ELFN1: variants seen among roughly 807,000 people sequenced by gnomAD.
ELFN1 encodes extracellular leucine rich repeat and fibronectin type III domain containing 1, also known as protein ELFN1.
In ELFN1, 6 loss-of-function variants were observed where a neutral mutation model predicts 7.6. The ratio of observed to expected loss-of-function variants is 0.79; its 90% CI spans 0.43 to 1.56. The LOEUF is 1.56. Among genes scored for constraint, ELFN1 ranks in the 40% most tolerant of loss-of-function variants. ELFN1 has a pLI of 0.01. For synonymous variants in ELFN1, 657 were observed against 588.1 expected, an observed-to-expected ratio of 1.12 and a Z score of -1.70; for missense variants, 1,169 against 1,232.2, an observed-to-expected ratio of 0.95 and a Z score of 0.77.
At chr7:1,690,891 T>A (rs1779148213) in intron 2 of ELFN1, among the ~76,000 whole-genome samples, 1 of 151,938 alleles carries the variant, frequency 6.6e-6, no homozygotes, top group Non-Finnish European at 1.5e-5. Context: ...GATGAATGGA[T>A]GAATGGATGC....
chr7:1,690,364 G>C (rs1178446732), intron 2 of ELFN1, among the ~76,000 whole-genome samples: 1 of 150,278 alleles, frequency 6.7e-6, no homozygotes, highest in Non-Finnish European at 1.5e-5. Context: ...TGGATGGGTG[G>C]GTGGGTGAAT....
In ELFN1 at chr7:1,745,130, C is replaced by G. The variant is rs1780738241; in HGVS notation, c.534C>G (p.Gly178=). The change falls in exon 4 of 4, where the codon GGC becomes GGG. Residue 178 remains glycine, a synonymous_variant. Coordinates refer to ENST00000424383, the MANE Select transcript of ELFN1 (RefSeq NM_001128636.4). ...IQQLNSGTFA[G]LAKLSVCELY... ...AGCTCAACAGCGGCACCTTCGCCGG[C>G]CTGGCCAAGCTGTCGGTGTGCGAGC... is the stretch of plus-strand genomic sequence containing the variant. 1 of 1,550,812 alleles carries G rather than the reference C, an allele frequency of 6.4e-7. No individual in the cohort carries two copies. The highest frequency in any genetic ancestry group is 8.7e-7 in the Non-Finnish European group (1 of 1,146,996).
At chr7:1,679,437 A>G (rs1226327156) in intron 1 of ELFN1, among the ~76,000 whole-genome samples, 1 of 152,166 alleles carries the variant, frequency 6.6e-6, no homozygotes, top group Non-Finnish European at 1.5e-5. Flanking sequence ...GCCTGGGGCC[A>G]GGAGGACAGT....
At chr7:1,687,827 T>C (rs1054949948) in intron 1 of ELFN1, among the ~76,000 whole-genome samples, 3 of 152,140 alleles carry the variant, frequency 2.0e-5, no homozygotes, top group Non-Finnish European at 4.4e-5. Flanking sequence ...TTATTGGCCA[T>C]TTGGATATTT....
Position 1,745,377 on chromosome 7 carries a change from G to C in ELFN1, c.781G>C (p.Gly261Arg). The change falls in exon 4 of 4, where the codon GGG becomes CGG. Residue 261 changes from glycine to arginine, a missense_variant. Around this residue, in one of 2 missense-constraint regions of ELFN1, gnomAD observed 914 missense variants for 872.6 expected, o/e 1.05. Coordinates refer to ENST00000424383, the MANE Select transcript of ELFN1 (RefSeq NM_001128636.4). ...TEDSYAAEVV[G>R]PPRPASGRSQ... Reference sequence around the variant, plus strand: ...GGACTCGTACGCGGCTGAGGTGGTCGGGCCCCCACGTCCAGCATCCGGGCG... The same window carrying C: ...GGACTCGTACGCGGCTGAGGTGGTCCGGCCCCCACGTCCAGCATCCGGGCG... 6.5e-7 allele frequency: 1 copy of C among 1,538,908 alleles called. No individual in the cohort carries two copies. The highest frequency in any genetic ancestry group is 8.7e-7 in the Non-Finnish European group (1 of 1,145,842).
intron 3 of ELFN1, among the ~76,000 whole-genome samples, chr7:1,730,147 G>A (rs1017063447): frequency 7.9e-5 from 12 of 152,250 alleles, no homozygotes; most frequent in Non-Finnish European, 1.3e-4. Context: ...ACCCTGAATC[G>A]TGAAAATCTG....
rs539624721 is a variant in ELFN1 at position 1,696,766 on chromosome 7, T to C, written c.-456+8616T>C. On this transcript the variant is annotated intron_variant, in intron 2 of 3. Coordinates refer to ENST00000424383, the MANE Select transcript of ELFN1 (RefSeq NM_001128636.4). ...CCCCACCCTCATGACCTCGGCTAAC[T>C]CCGATCACCTCCCAGAGAACCCGCT... 2.6e-3 allele frequency among the ~76,000 whole-genome samples: 396 copies of C among 152,148 alleles called. 2 individuals are homozygous for C. The highest frequency in any genetic ancestry group is 8.9e-3 in the African/African-American group (371 of 41,500).
upstream of ELFN1, among the ~76,000 whole-genome samples, chr7:1,669,760 G>A (rs1778725429): frequency 1.3e-5 from 2 of 152,194 alleles, no homozygotes; most frequent in African/African-American, 4.8e-5. Flanking sequence ...CTGCCCTCCC[G>A]GATAAGGGGC....
intron 3 of ELFN1, among the ~76,000 whole-genome samples, chr7:1,734,697 C>T (rs1354675483): frequency 6.6e-6 from 1 of 150,696 alleles, no homozygotes. Context: ...TGCATTTTCA[C>T]TTTTTTTTTC....
intron 2 of ELFN1, among the ~76,000 whole-genome samples, chr7:1,704,010 G>T (rs1035668517): frequency 6.6e-6 from 1 of 152,180 alleles, no homozygotes; most frequent in African/African-American, 2.4e-5. Context: ...GTGTCACTGC[G>T]GTGTGCCTTA....
intron 2 of ELFN1, among the ~76,000 whole-genome samples, chr7:1,698,298 C>T (rs1337332041): frequency 1.3e-5 from 2 of 152,218 alleles, no homozygotes; most frequent in African/African-American, 4.8e-5. Context: ...TTAATGCCTT[C>T]GGAATATTCC....
rs1209665677 is a variant in ELFN1 at position 1,736,083 on chromosome 7, G to A, written c.-293-8221G>A. ...CCGGGTCACCGTGGCAGGCCTTGCGGCTCGAGGCCCAACTGCCCTGATATG... is the reference window on the plus strand; with the variant it reads ...CCGGGTCACCGTGGCAGGCCTTGCGACTCGAGGCCCAACTGCCCTGATATG... On this transcript the variant is annotated intron_variant, in intron 3 of 3. Coordinates refer to ENST00000424383, the MANE Select transcript of ELFN1 (RefSeq NM_001128636.4). Among the ~76,000 whole-genome samples, 5 of 152,308 alleles carry A rather than the reference G, an allele frequency of 3.3e-5. No individual in the cohort carries two copies. The South Asian group carries it at 1.0e-3, about 32-fold the overall frequency.
chr7:1,689,130 C>A (rs1779110356), intron 2 of ELFN1, among the ~76,000 whole-genome samples: 1 of 152,174 alleles, frequency 6.6e-6, no homozygotes, highest in Admixed American at 6.5e-5. Context: ...TGTTTTCCCC[C>A]ACAAGATTCC....
chr7:1,735,407 G>T lies in ELFN1; in HGVS notation c.-293-8897G>T, dbSNP rs1780417866. ...CCTCACACAGTGGGGACGTGGTGCA[G>T]GCAGCAGTCCCCTCCGTTCTACTCC... On this transcript the variant is annotated intron_variant, in intron 3 of 3. Coordinates refer to ENST00000424383, the MANE Select transcript of ELFN1 (RefSeq NM_001128636.4). The surrounding 1 kb of genome is among the most constrained non-coding windows in gnomAD (Gnocchi z 5.9). Among the ~76,000 whole-genome samples the T allele has an allele frequency of 6.6e-6, 1 of 152,046 alleles. No individual in the cohort carries two copies. Among genetic ancestry groups the T allele is most frequent in the Admixed American group, 6.5e-5 (1 of 15,280 alleles).
chr7:1,682,513 T>C (rs921385297), intron 1 of ELFN1, among the ~76,000 whole-genome samples: 1 of 152,110 alleles, frequency 6.6e-6, no homozygotes, highest in African/African-American at 2.4e-5. Flanking sequence ...TGATCACAGC[T>C]CACTGAAGCC....
chr7:1,699,989 C>T (rs1057511542), intron 2 of ELFN1, among the ~76,000 whole-genome samples: 3 of 152,224 alleles, frequency 2.0e-5, no homozygotes, highest in South Asian at 2.1e-4. Context: ...CGTGAGCCCC[C>T]GTGCCCGGCC....
rs1033626878 is a variant in ELFN1, at chr7:1,746,207, G to T, written c.1611G>T (p.Arg537Ser). 7.7e-6 allele frequency: 12 copies of T among 1,554,930 alleles called. No individual in the cohort carries two copies. The highest frequency in any genetic ancestry group is 1.4e-5 in the African/African-American group (1 of 73,290). ...GAACCGGGGACCCTCCGGAACGCAGGGACTGTGAGCTGGGCCGGCCGGGCC... is the reference window on the plus strand; with the variant it reads ...GAACCGGGGACCCTCCGGAACGCAGTGACTGTGAGCTGGGCCGGCCGGGCC... ...EVRTGDPPER[R>S]DCELGRPGPD... The change falls in exon 4 of 4, where the codon AGG becomes AGT. Residue 537 changes from arginine to serine, a missense_variant. Arg to Ser is a moderately radical substitution (Grantham distance 110). Coordinates refer to ENST00000424383, the MANE Select transcript of ELFN1 (RefSeq NM_001128636.4).
chr7:1,694,505 C>T (rs1779256734), intron 2 of ELFN1, among the ~76,000 whole-genome samples: 1 of 152,170 alleles, frequency 6.6e-6, no homozygotes, highest in Admixed American at 6.5e-5. Context: ...TGGCTTCTCC[C>T]AGGCCTTCTA....
chr7:1,711,951 G>A (rs1562370140), intron 3 of ELFN1, among the ~76,000 whole-genome samples: 1 of 152,224 alleles, frequency 6.6e-6, no homozygotes, highest in African/African-American at 2.4e-5. Flanking sequence ...GAACACAGAG[G>A]CCCACAGGGC....
Sources: allele counts gnomAD v4.1 joint callset (sites outside exome capture counted in the v4.1 genomes callset), GRCh38; gene constraint gnomAD v4.1.1; regional missense constraint gnomAD v4.1.1; non-coding constraint Gnocchi (gnomAD v3.1); transcripts MANE v1.5; gene names NCBI Gene and HGNC (gene_info 2026-07-23, HGNC 2026-07-21).